Variants in TNFRSF11A observed in about 807,000 individuals in gnomAD.
The protein encoded by TNFRSF11A is tumor necrosis factor receptor superfamily member 11A.
A neutral mutation model predicts 55.7 loss-of-function variants in TNFRSF11A; 32 were observed. The ratio of observed to expected loss-of-function variants is 0.57; its 90% CI spans 0.43 to 0.77. The LOEUF (loss-of-function observed/expected upper bound fraction) is 0.77. Among genes scored for constraint, TNFRSF11A ranks in the 30% least tolerant of loss-of-function variants. The probability of loss-of-function intolerance (pLI) is 0.00; values close to 1 mark genes in which losing one functional copy is unlikely to be tolerated. For synonymous variants in TNFRSF11A, 311 were observed against 331.0 expected (o/e 0.94, Z 0.65); for missense variants, 753 against 809.8 (o/e 0.93, Z 0.85).
intron 4 of TNFRSF11A, among the ~76,000 whole-genome samples, chr18:62,354,957 T>TA (rs1909147874): frequency 6.6e-6 from 1 of 152,210 alleles, no homozygotes; most frequent in Admixed American, 6.5e-5. Flanking sequence ...AAAGTTTTGT[T>TA]ACAAGTTTGA....
At chr18:62,359,478 C>A (rs1365289014) in intron 5 of TNFRSF11A, among the ~76,000 whole-genome samples, 2 of 152,004 alleles carry the variant, frequency 1.3e-5, no homozygotes, top group Non-Finnish European at 2.9e-5. Context: ...CTCCTGGGCT[C>A]AAGCAATCCT....
At position 62,354,316 on chromosome 18, in the gene TNFRSF11A, A is replaced by G. The variant is rs1909069531; in HGVS notation, c.284-75A>G. On this transcript the variant is annotated intron_variant, in intron 3 of 9. Transcript: ENST00000586569. ...GCTGCTGCTCTGGGCTGGATGTTGG[A>G]TAGCGCAGTCGTGGGCGGTGTGTTT... 2.7e-6 allele frequency: 4 copies of G among 1,463,882 alleles called. No homozygotes were observed. The Admixed American group carries it at 9.1e-5, about 33-fold the overall frequency. 90.7% of individuals were successfully genotyped at this position (1,463,882 alleles called of 1,614,324 possible).
chr18:62,340,312 A>G (rs55837015), intron 1 of TNFRSF11A, among the ~76,000 whole-genome samples: 1 of 151,862 alleles, frequency 6.6e-6, no homozygotes, highest in South Asian at 2.1e-4. Flanking sequence ...TCAACCTCCT[A>G]GGCTCAAGCG....
chr18:62,377,059 G>A (rs113656266), intron 9 of TNFRSF11A, among the ~76,000 whole-genome samples: 15,076 of 152,054 alleles, frequency 0.099, 900 homozygotes, highest in African/African-American at 0.14. Flanking sequence ...GACTACAGGC[G>A]CCTGCCACCA....
intron 9 of TNFRSF11A, among the ~76,000 whole-genome samples, chr18:62,371,993 G>GT (rs35180251): frequency 0.4 from 61,132 of 151,880 alleles, 13,059 homozygotes; most frequent in Non-Finnish European, 0.47. Context: ...ACATCAAATA[G>GT]TTCTGGAGAA....
chr18:62,331,821 G>A (rs775199610), intron 1 of TNFRSF11A, among the ~76,000 whole-genome samples: 3 of 152,162 alleles, frequency 2.0e-5, no homozygotes, highest in South Asian at 2.1e-4. Context: ...TAAGATGAGC[G>A]TTTCCCTTCC....
At chr18:62,348,114 T>A in intron 1 of TNFRSF11A, 54 bp from the exon 2 acceptor site, 3 of 1,436,198 alleles carry the variant, frequency 2.1e-6, no homozygotes, top group Non-Finnish European at 2.9e-6. Context: ...TTTACCTAGT[T>A]TTATCCAGAA....
chr18:62,375,662 G>A (rs1157640080), intron 9 of TNFRSF11A, among the ~76,000 whole-genome samples: 4 of 152,120 alleles, frequency 2.6e-5, no homozygotes, highest in South Asian at 4.1e-4. Context: ...CAAGTTCCTC[G>A]CCCAGGATCA....
chr18:62,365,217 C>T (rs1286240217), intron 7 of TNFRSF11A, among the ~76,000 whole-genome samples: 1 of 152,174 alleles, frequency 6.6e-6, no homozygotes, highest in Non-Finnish European at 1.5e-5. Flanking sequence ...CCACCTCAGC[C>T]TCCCAAAGTG....
chr18:62,365,248 C>CTT (rs1909994311), intron 7 of TNFRSF11A, among the ~76,000 whole-genome samples: 1 of 152,186 alleles, frequency 6.6e-6, no homozygotes, highest in Non-Finnish European at 1.5e-5. Context: ...AGGTGTGAGC[C>CTT]ACCGGGTCCA....
At chr18:62,331,274 A>G (rs1182722547) in intron 1 of TNFRSF11A, among the ~76,000 whole-genome samples, 1 of 152,212 alleles carries the variant, frequency 6.6e-6, no homozygotes, top group Non-Finnish European at 1.5e-5. Flanking sequence ...AGGACAAAAA[A>G]GCTGGCTGTT....
At chr18:62,354,566 T>G (rs758420297) in intron 4 of TNFRSF11A, 32 bp downstream of exon 4, 1 of 1,600,572 alleles carries the variant, frequency 6.2e-7, no homozygotes, top group East Asian at 2.2e-5. Context: ...CTGTCGGCTC[T>G]TGCTGAGCCA....
At chr18:62,326,344 G>A (rs2046075688) in intron 1 of TNFRSF11A, among the ~76,000 whole-genome samples, 1 of 152,212 alleles carries the variant, frequency 6.6e-6, no homozygotes, top group African/African-American at 2.4e-5. Flanking sequence ...AGAAGAGAGG[G>A]GAAAAGCCTT....
At chr18:62,349,594 TCAGC>T (rs1294457546) in intron 2 of TNFRSF11A, among the ~76,000 whole-genome samples, 1 of 152,168 alleles carries the variant, frequency 6.6e-6, no homozygotes, top group Non-Finnish European at 1.5e-5. Flanking sequence ...TGGGGTTATT[TCAGC>T]CAGCTGCGTG....
In TNFRSF11A at chr18:62,385,327, T is replaced by G; in HGVS notation, c.*293T>G. On this transcript the variant is annotated 3_prime_UTR_variant, in exon 10 of 10. Transcript: ENST00000586569. The stretch of plus-strand genomic sequence containing the variant: ...TGTGGCACTATGACAGCTATTTTTA[T>G]GACTATCCTGTTCTGTGGGGGGGGG... The G allele has an allele frequency of 3.5e-5, 9 of 257,900 alleles. No homozygotes were observed. Among genetic ancestry groups the G allele is most frequent in the East Asian group, 1.9e-4 (2 of 10,478 alleles). 16.0% of individuals were successfully genotyped at this position (257,900 alleles called of 1,614,324 possible). A position where few individuals can be genotyped will look rare whatever the true frequency, so the allele number is the denominator to read the frequency against.
chr18:62,325,887 C>T lies in TNFRSF11A; in HGVS notation c.75+460C>T, dbSNP rs1203326298. On this transcript the variant is annotated intron_variant, in intron 1 of 9. Coordinates refer to ENST00000586569, the MANE Select transcript of TNFRSF11A (RefSeq NM_003839.4). This position sits in a 1 kb window ranked among gnomAD's most constrained non-coding sequence, Gnocchi z 4.7. ...CGGAAAGAGACATGATTCCCTCCGT[C>T]CCTGAACTGCGGGCTTGCCTTTGCC... 6.6e-6 allele frequency among the ~76,000 whole-genome samples: 1 copy of T among 152,218 alleles called. No homozygotes were observed. The highest frequency in any genetic ancestry group is 1.5e-5 in the Non-Finnish European group (1 of 68,020).
At chr18:62,374,902 CT>C (rs1047377742) in intron 9 of TNFRSF11A, among the ~76,000 whole-genome samples, 2 of 134,390 alleles carry the variant, frequency 1.5e-5, no homozygotes, top group Non-Finnish European at 3.4e-5. Context: ...CTAATCCATT[CT>C]TTTTTTTTAA....
intron 3 of TNFRSF11A, among the ~76,000 whole-genome samples, chr18:62,353,141 C>G (rs2046498145): frequency 6.6e-6 from 1 of 152,134 alleles, no homozygotes; most frequent in South Asian, 2.1e-4. Context: ...AAATCCTGAG[C>G]CATTACTCCT....
intron 2 of TNFRSF11A, among the ~76,000 whole-genome samples, chr18:62,348,815 T>C (rs973856132): frequency 6.6e-6 from 1 of 152,210 alleles, no homozygotes; most frequent in Non-Finnish European, 1.5e-5. Context: ...CACTCTCTCA[T>C]CATTCTGGGG....
Sources: allele counts gnomAD v4.1 joint callset (sites outside exome capture counted in the v4.1 genomes callset), GRCh38; gene constraint gnomAD v4.1.1; non-coding constraint Gnocchi (gnomAD v3.1); transcripts MANE v1.5; gene names NCBI Gene and HGNC (gene_info 2026-07-23, HGNC 2026-07-21).